Variants in ATP1A4 observed in about 807,000 individuals in gnomAD.
ATP1A4 encodes ATPase Na+/K+ transporting subunit alpha 4.
ATP1A4 carries 90 observed loss-of-function variants against 114.3 expected under a neutral mutation model. That is an observed-to-expected ratio of 0.79 (90% confidence interval 0.66 to 0.94). ATP1A4 has a LOEUF of 0.94. Among genes scored for constraint, ATP1A4 ranks in the 40% least tolerant of loss-of-function variants. The probability of loss-of-function intolerance (pLI) is 0.00; values close to 1 mark genes in which losing one functional copy is unlikely to be tolerated. For missense variants in ATP1A4, 1,222 were observed against 1,313.6 expected (o/e 0.93, Z 1.08); for synonymous variants, 511 against 494.1 (o/e 1.03, Z -0.45).
At position 160,167,319 on chromosome 1, in the gene ATP1A4, G is replaced by T; in HGVS notation, c.1398G>T (p.Lys466Asn). The T allele has an allele frequency of 6.2e-7, 1 of 1,610,120 alleles. No homozygotes were observed. Among genetic ancestry groups the T allele is most frequent in the Non-Finnish European group, 8.5e-7 (1 of 1,179,056 alleles). Residue 466 changes from lysine (K) to asparagine (N), a missense_variant, in exon 10 of 22, where the codon AAG becomes AAT. By Grantham distance (94) the Lys-to-Asn change is moderately conservative. Coordinates refer to ENST00000368081, the MANE Select transcript of ATP1A4 (RefSeq NM_144699.4). ...TGDASESALL[K>N]FIEQSYSSVA... ...ATGCTTCCGAGTCAGCCCTCCTCAA[G>T]TTCATCGAGCAGTCTTACAGCTCTG...
chr1:160,171,710 G>C lies in ATP1A4; in HGVS notation c.1807G>C (p.Ala603Pro), dbSNP rs554851339. The C allele has an allele frequency of 6.2e-7, 1 of 1,614,178 alleles. No homozygotes were observed. The highest frequency in any genetic ancestry group is 1.7e-5 in the Admixed American group (1 of 60,022). ...GLISMIDPPR[A>P]AVPDAVSKCR... ...CATATCCATGATTGACCCTCCCCGA[G>C]CTGCAGTGCCTGATGCTGTGAGCAA... is the stretch of plus-strand genomic sequence containing the variant. The change falls in exon 12 of 22, where the codon GCT (alanine) becomes CCT (proline). Residue 603 changes from alanine (A) to proline (P), a missense_variant. By Grantham distance (27) the Ala-to-Pro change is conservative. Transcript: ENST00000368081.
chr1:160,173,464 G>A (rs1653338047), intron 12 of ATP1A4, 117 bp from the exon 13 acceptor site: 5 of 1,413,222 alleles, frequency 3.5e-6, no homozygotes, highest in Non-Finnish European at 3.9e-6. Context: ...TCTTGGGAAT[G>A]AGCGACTAAA....
intron 4 of ATP1A4, 124 bp downstream of exon 4, chr1:160,156,282 G>T (rs542385284): frequency 2.9e-6 from 2 of 684,672 alleles, no homozygotes; most frequent in Non-Finnish European, 5.2e-6. Flanking sequence ...GTGATGAGGG[G>T]GTCAAGGTAC....
intron 2 of ATP1A4, among the ~76,000 whole-genome samples, chr1:160,154,672 A>G (rs2102008947): frequency 6.6e-6 from 1 of 152,310 alleles, no homozygotes; most frequent in South Asian, 2.1e-4. Flanking sequence ...ATATTTCATC[A>G]TGACATTGGC....
rs746192251 is a variant in ATP1A4, at chr1:160,166,552, C to T, written c.1072C>T (p.Arg358Cys). 6.8e-6 allele frequency: 11 copies of T among 1,614,130 alleles called. No individual in the cohort carries two copies. The African/African-American group carries it at 9.3e-5, about 14-fold the overall frequency. ...VTVCLTLTAK[R>C]MARKNCLVKN... The stretch of plus-strand genomic sequence containing the variant: ...GGTGTGCCTGACCCTCACAGCCAAG[C>T]GCATGGCGCGGAAGAACTGCCTGGT... Residue 358 changes from arginine (R) to cysteine (C), a missense_variant, in exon 8 of 22, where the codon CGC (arginine) becomes TGC (cysteine). Coordinates refer to ENST00000368081, the MANE Select transcript of ATP1A4 (RefSeq NM_144699.4).
rs370556756 is a variant in ATP1A4, at chr1:160,186,008, T to A, written c.2970-268T>A. On this transcript the variant is annotated intron_variant, in intron 20 of 21. Coordinates refer to ENST00000368081, the MANE Select transcript of ATP1A4 (RefSeq NM_144699.4). Reference sequence around the variant, plus strand: ...TACTCAGGAGGCTAAGGCATGAGAATCGCTTAAATCCGGGAGGCAGAGGTT... The same window carrying A: ...TACTCAGGAGGCTAAGGCATGAGAAACGCTTAAATCCGGGAGGCAGAGGTT... 3.6e-5 allele frequency among the ~76,000 whole-genome samples: 5 copies of A among 139,104 alleles called. No individual in the cohort carries two copies. The East Asian group carries it at 1.1e-3, about 32-fold the overall frequency. 91.3% of individuals were successfully genotyped at this position (139,104 alleles called of 152,430 possible). A position where few individuals can be genotyped will look rare whatever the true frequency, so the allele number is the denominator to read the frequency against.
chr1:160,177,717 G>T, intron 18 of ATP1A4, 53 bp downstream of exon 18: 9 of 1,594,516 alleles, frequency 5.6e-6, no homozygotes, highest in Non-Finnish European at 7.7e-6. Flanking sequence ...GAGAGTGACA[G>T]GGGAGAGTGA....
rs1652481765 is a variant in ATP1A4, at chr1:160,152,193, G to A, written c.147+6G>A. On this transcript the variant is annotated splice_donor_region_variant and intron_variant, in intron 1 of 21. Transcript: ENST00000368081. ...TGAAGAAGGAAGTGGTCATGGTGAG[G>A]CCACCCAAAGTGGGCGCTGACAGCT... is the stretch of plus-strand genomic sequence containing the variant. The A allele has an allele frequency of 3.1e-6, 5 of 1,612,276 alleles. No individual in the cohort carries two copies. The highest frequency in any genetic ancestry group is 4.2e-6 in the Non-Finnish European group (5 of 1,179,554).
At chr1:160,181,052 T>C (rs1170026402) in intron 18 of ATP1A4, among the ~76,000 whole-genome samples, 1 of 152,114 alleles carries the variant, frequency 6.6e-6, no homozygotes, top group Non-Finnish European at 1.5e-5. Context: ...TCTCTTACCC[T>C]ATCCTTCTTA....
At chr1:160,155,902 T>C (rs1338504804) in intron 3 of ATP1A4, 143 bp from the exon 4 acceptor site, 6 of 591,878 alleles carry the variant, frequency 1.0e-5, no homozygotes, top group East Asian at 8.5e-5. Context: ...CCACCTCAGA[T>C]TCTTCTCTAC....
intron 14 of ATP1A4, 88 bp from the exon 15 acceptor site, chr1:160,174,491 A>AG (rs1415321272): frequency 4.2e-5 from 65 of 1,538,882 alleles, no homozygotes; most frequent in Non-Finnish European, 5.4e-5. Flanking sequence ...ATCAGGAAAC[A>AG]AGGGATGCAG....
intron 4 of ATP1A4, among the ~76,000 whole-genome samples, chr1:160,158,676 G>T (rs946935853): frequency 6.6e-6 from 1 of 152,044 alleles, no homozygotes; most frequent in East Asian, 1.9e-4. Context: ...CACCAGTCAC[G>T]GCCTGAAAGC....
chr1:160,164,621 A>G (rs2101634295), intron 7 of ATP1A4, among the ~76,000 whole-genome samples, 197 bp downstream of exon 7: 1 of 152,282 alleles, frequency 6.6e-6, no homozygotes, highest in East Asian at 1.9e-4. Flanking sequence ...CTCTTTCCTC[A>G]ATGAGAGAGG....
rs1652964081 is a variant in ATP1A4 at position 160,164,400 on chromosome 1, T to C, written c.1023T>C (p.Pro341=). The change falls in exon 7 of 22, where the codon CCT becomes CCC. Residue 341 remains proline (P), a synonymous_variant. Coordinates refer to ENST00000368081, the MANE Select transcript of ATP1A4 (RefSeq NM_144699.4). Reference sequence around the variant, plus strand: ...TTGGCATCATTGTGGCCAATGTGCCTGAGGGGCTGTTGGCCACAGTCACTG... The same window carrying C: ...TTGGCATCATTGTGGCCAATGTGCCCGAGGGGCTGTTGGCCACAGTCACTG... ...FLIGIIVANV[P]EGLLATVTVC... The C allele has an allele frequency of 8.7e-6, 14 of 1,614,180 alleles. No individual in the cohort carries two copies. Among genetic ancestry groups the C allele is most frequent in the Non-Finnish European group, 1.2e-5 (14 of 1,180,016 alleles).
intron 6 of ATP1A4, among the ~76,000 whole-genome samples, chr1:160,161,799 C>T (rs1175312936): frequency 6.6e-6 from 1 of 152,202 alleles, no homozygotes; most frequent in Non-Finnish European, 1.5e-5. Context: ...ACTGACCTGA[C>T]CTGTCTGCTC....
chr1:160,184,955 GCTCAGACAACCCCTCCC>G (rs1281874915), intron 20 of ATP1A4, among the ~76,000 whole-genome samples: 1 of 152,144 alleles, frequency 6.6e-6, no homozygotes, highest in Non-Finnish European at 1.5e-5. Flanking sequence ...GACCCCTCCT[GCTCAGACAACCCCTCCC>G]CTTTGTGGGC....
intron 1 of ATP1A4, among the ~76,000 whole-genome samples, 181 bp from the exon 2 acceptor site, chr1:160,152,984 T>C (rs1453796600): frequency 6.6e-6 from 1 of 151,956 alleles, no homozygotes; most frequent in Non-Finnish European, 1.5e-5. Context: ...TGAGTCGAAA[T>C]CGCACCACTG....
In ATP1A4 at chr1:160,173,610, T is replaced by G; in HGVS notation, c.1884T>G (p.Ile628Met). Residue 628 changes from isoleucine (I) to methionine (M), a missense_variant, in exon 13 of 22, where the codon ATT (isoleucine) becomes ATG (methionine). Coordinates refer to ENST00000368081, the MANE Select transcript of ATP1A4 (RefSeq NM_144699.4). ...KVIMVTGDHP[I>M]TAKAIAKGVG... Reference sequence around the variant, plus strand: ...TCATGGTAACAGGAGATCATCCCATTACAGCTAAGGCCATTGCCAAGGGTG... The same window carrying G: ...TCATGGTAACAGGAGATCATCCCATGACAGCTAAGGCCATTGCCAAGGGTG... The G allele has an allele frequency of 1.2e-6, 2 of 1,614,204 alleles. No individual in the cohort carries two copies. The highest frequency in any genetic ancestry group is 1.7e-6 in the Non-Finnish European group (2 of 1,180,024).
At chr1:160,155,933 C>G in intron 3 of ATP1A4, 112 bp from the exon 4 acceptor site, 1 of 684,694 alleles carries the variant, frequency 1.5e-6, no homozygotes, top group Non-Finnish European at 2.7e-6. Flanking sequence ...TCAACTCAGT[C>G]TTACGGTCTC....
Sources: gnomAD v4.1 joint callset for allele counts (sites outside exome capture counted in the v4.1 genomes callset) on GRCh38, gnomAD v4.1.1 for gene constraint, MANE v1.5 for transcripts, NCBI Gene and HGNC (gene_info 2026-07-23, HGNC 2026-07-21) for gene names.